CSF2RA: variants seen among roughly 807,000 people sequenced by gnomAD.
CSF2RA encodes the protein colony stimulating factor 2 receptor subunit alpha.
Under a neutral mutation model 51.6 loss-of-function variants are expected in CSF2RA, and 42 were observed. The ratio of observed to expected loss-of-function variants is 0.81; its 90% CI spans 0.64 to 1.05. CSF2RA has a LOEUF of 1.05. Ranked by LOEUF, CSF2RA falls within the 50% of genes least tolerant of loss-of-function variation. The pLI, the probability that CSF2RA is intolerant of heterozygous loss-of-function variation, is 0.00. For synonymous variants in CSF2RA, 222 were observed against 193.0 expected, an observed-to-expected ratio of 1.15 and a Z score of -1.24; for missense variants, 530 against 501.1, an observed-to-expected ratio of 1.06 and a Z score of -0.55.
chrX:1,315,851 G>C, the CSF2RA span, among the ~76,000 whole-genome samples: 4 of 148,708 alleles, frequency 2.7e-5, no homozygotes, highest in East Asian at 3.9e-4. Context: ...TAGATGGATA[G>C]ATAGATGGAT....
intron 10 of CSF2RA, among the ~76,000 whole-genome samples, chrX:1,302,305 A>T (rs2083070846): frequency 6.6e-6 from 1 of 151,992 alleles, no homozygotes; most frequent in African/African-American, 2.4e-5. Flanking sequence ...TCCAAATTGA[A>T]AAGGGGAAGG....
intron 10 of CSF2RA, among the ~76,000 whole-genome samples, chrX:1,301,214 C>T (rs2092346100): frequency 6.7e-6 from 1 of 148,756 alleles, no homozygotes; most frequent in Admixed American, 6.8e-5. Context: ...TCCTGTAATC[C>T]CAGCTACTCA....
chrX:1,318,312 C>A, the CSF2RA span, among the ~76,000 whole-genome samples: 2 of 151,920 alleles, frequency 1.3e-5, no homozygotes, highest in South Asian at 4.1e-4. Context: ...TACAGGCATA[C>A]GCCACCACAC....
chrX:1,304,116 AAC>A (rs2083291486), intron 11 of CSF2RA, 97 bp downstream of exon 11: 4 of 1,139,812 alleles, frequency 3.5e-6, no homozygotes, highest in East Asian at 2.4e-5. Context: ...GAGAAAGAGA[AAC>A]ACAGCCTTGG....
intron 1 of CSF2RA, among the ~76,000 whole-genome samples, chrX:1,271,959 CTTT>C (rs1187844662): frequency 7.1e-6 from 1 of 141,244 alleles, no homozygotes; most frequent in African/African-American, 2.6e-5. Flanking sequence ...CTTTTTTTTT[CTTT>C]TTTTTTTTTG....
chrX:1,282,922 A>G, intron 3 of CSF2RA, 143 bp downstream of exon 3: 2 of 791,798 alleles, frequency 2.5e-6, no homozygotes. Context: ...CCAACCCACC[A>G]GAAGCTCAGA....
At chrX:1,322,874 A>C in the CSF2RA span, among the ~76,000 whole-genome samples, 3 of 151,932 alleles carry the variant, frequency 2.0e-5, no homozygotes, top group African/African-American at 4.8e-5. Context: ...TCACGCCTGT[A>C]ATCCCAGCAC....
intron 4 of CSF2RA, among the ~76,000 whole-genome samples, chrX:1,288,049 C>G (rs1603427700): frequency 6.6e-6 from 1 of 151,288 alleles, no homozygotes; most frequent in South Asian, 2.1e-4. Flanking sequence ...TAGTCTGGTA[C>G]TTTCAGCACT....
chrX:1,287,361 C>T (rs28782499), intron 4 of CSF2RA, among the ~76,000 whole-genome samples: 141,364 of 143,476 alleles, frequency 0.99, 69,638 homozygotes, highest in Non-Finnish European at 0.99. Flanking sequence ...ACCATGTTGG[C>T]CAGGCTGGTC....
chrX:1,296,268 G>T (rs749043014), intron 9 of CSF2RA, among the ~76,000 whole-genome samples: 1 of 145,532 alleles, frequency 6.9e-6, no homozygotes, highest in Non-Finnish European at 1.5e-5. Context: ...TAACCCTACA[G>T]TCTCCTACCC....
chrX:1,269,347 G>A (rs1441185684), intron 1 of CSF2RA, among the ~76,000 whole-genome samples: 38 of 152,172 alleles, frequency 2.5e-4, no homozygotes, highest in Admixed American at 4.6e-4. Context: ...GCGGCCGGGC[G>A]TGGTGGCTCA....
chrX:1,303,771 G>C (rs762448147), intron 10 of CSF2RA, 152 bp from the exon 11 acceptor site: 1 of 777,064 alleles, frequency 1.3e-6, no homozygotes, highest in East Asian at 2.5e-5. Context: ...TCTTAGTTAA[G>C]AACCAAAAAC....
At chrX:1,287,837 A>G (rs1259282919) in intron 4 of CSF2RA, among the ~76,000 whole-genome samples, 1 of 138,974 alleles carries the variant, frequency 7.2e-6, no homozygotes, top group Non-Finnish European at 1.6e-5. Flanking sequence ...CCTGGGTTCA[A>G]GAGAGTCTCC....
intron 7 of CSF2RA, among the ~76,000 whole-genome samples, chrX:1,292,262 T>C (rs183277992): frequency 3.1e-4 from 47 of 150,164 alleles, no homozygotes; most frequent in Non-Finnish European, 5.1e-4. Context: ...GAGGAGACCC[T>C]GCCCCACCTC....
intron 1 of CSF2RA, among the ~76,000 whole-genome samples, chrX:1,269,546 C>A (rs2088066160): frequency 6.6e-6 from 1 of 151,432 alleles, no homozygotes; most frequent in South Asian, 2.1e-4. Context: ...TCGTTTGAAC[C>A]CGGGAGGCGG....
At chrX:1,280,910 TCTC>T (rs1250477697) in intron 2 of CSF2RA, among the ~76,000 whole-genome samples, 1,567 of 33,114 alleles carry the variant, frequency 0.047, 22 homozygotes, top group Middle Eastern at 0.058. Flanking sequence ...TCCTGCTCCT[TCTC>T]CTCCTCCTCC....
At position 1,302,972 on chromosome X, in the gene CSF2RA, A is replaced by C. The variant is rs1204651955; in HGVS notation, c.947-951A>C. On this transcript the variant is annotated intron_variant, in intron 10 of 12. Coordinates refer to ENST00000381529, the MANE Select transcript of CSF2RA (RefSeq NM_172245.4). Reference sequence around the variant, plus strand: ...CTGCAACCTCCGCCTCCCGGGTTCAAGCGATTCTCCTGCCTCAGCCTCCCG... The same window carrying C: ...CTGCAACCTCCGCCTCCCGGGTTCACGCGATTCTCCTGCCTCAGCCTCCCG... The C allele has an allele frequency of 2.1e-5, 5 of 243,824 alleles. No homozygotes were observed. The Admixed American group carries it at 2.3e-4, about 11-fold the overall frequency. The allele number at this position is 243,824 out of a possible 1,614,324, so 15.1% of individuals were successfully genotyped here. A position where few individuals can be genotyped will look rare whatever the true frequency, so the allele number is the denominator to read the frequency against.
intron 7 of CSF2RA, among the ~76,000 whole-genome samples, chrX:1,292,742 G>A (rs1363393645): frequency 2.0e-5 from 3 of 152,092 alleles, no homozygotes; most frequent in Non-Finnish European, 4.4e-5. Flanking sequence ...ATGTACGATC[G>A]GGTTTTACAC....
At chrX:1,294,498 G>C in intron 8 of CSF2RA, 37 bp downstream of exon 8, 1 of 1,613,184 alleles carries the variant, frequency 6.2e-7, no homozygotes, top group East Asian at 2.2e-5. Context: ...CACCAGGAGG[G>C]AGGCGTACGG....
Sources: gnomAD v4.1 joint callset for allele counts (sites outside exome capture counted in the v4.1 genomes callset) on GRCh38, gnomAD v4.1.1 for gene constraint, MANE v1.5 for transcripts, NCBI Gene and HGNC (gene_info 2026-07-23, HGNC 2026-07-21) for gene names.